Variants in TENM3 observed in about 807,000 individuals in gnomAD.
TENM3 encodes the protein teneurin transmembrane protein 3.
A neutral mutation model predicts 255.1 loss-of-function variants in TENM3; 63 were observed. The ratio of observed to expected loss-of-function variants is 0.25; its 90% CI spans 0.20 to 0.30. The LOEUF is 0.30. Among genes scored for constraint, TENM3 ranks in the 10% least tolerant of loss-of-function variants. The probability of loss-of-function intolerance (pLI) is 1.00; values close to 1 mark genes in which losing one functional copy is unlikely to be tolerated. For missense variants in TENM3, 2,929 were observed against 3,461.1 expected (o/e 0.85, Z 3.86); for synonymous variants, 1,306 against 1,322.3 (o/e 0.99, Z 0.27).
chr4:181,747,750 A>G, the TENM3 span, among the ~76,000 whole-genome samples: 2 of 152,012 alleles, frequency 1.3e-5, no homozygotes, highest in African/African-American at 4.8e-5. Context: ...AACTTTATAA[A>G]TGAATTTATG....
chr4:181,838,333 G>A, the TENM3 span, among the ~76,000 whole-genome samples: 5,105 of 152,168 alleles, frequency 0.034, 297 homozygotes, highest in African/African-American at 0.12. Flanking sequence ...CTGGTAATAC[G>A]CTTTTTTGCC....
At chr4:182,470,817 T>C (rs930647581) in intron 3 of TENM3, among the ~76,000 whole-genome samples, 3 of 152,088 alleles carry the variant, frequency 2.0e-5, no homozygotes, top group African/African-American at 7.2e-5. Flanking sequence ...AAACCAAAAC[T>C]CTCCATGATT....
intron 3 of TENM3, among the ~76,000 whole-genome samples, chr4:182,363,277 A>G (rs9997919): frequency 0.039 from 5,996 of 152,080 alleles, 376 homozygotes; most frequent in African/African-American, 0.13. Flanking sequence ...TGAGTATGTG[A>G]TATTTATATA....
chr4:181,775,156 C>T, the TENM3 span, among the ~76,000 whole-genome samples: 2 of 152,154 alleles, frequency 1.3e-5, no homozygotes, highest in East Asian at 1.9e-4. Flanking sequence ...TCCCCCCATA[C>T]AGGGCCGTGA....
chr4:181,732,461 G>A, the TENM3 span, among the ~76,000 whole-genome samples: 6 of 152,020 alleles, frequency 3.9e-5, no homozygotes, highest in African/African-American at 1.4e-4. Flanking sequence ...AAAAAAGGTA[G>A]AATAAAAACG....
intron 22 of TENM3, among the ~76,000 whole-genome samples, chr4:182,763,409 C>T (rs908886945): frequency 5.3e-5 from 8 of 151,984 alleles, no homozygotes; most frequent in South Asian, 4.1e-4. Context: ...ACTAAAAATA[C>T]AAAAAATTAG....
chr4:182,060,152 G>A, the TENM3 span, among the ~76,000 whole-genome samples: 1,730 of 152,138 alleles, frequency 0.011, 29 homozygotes, highest in African/African-American at 0.038. Context: ...TGGAAGGATC[G>A]CTTAAGTCCA....
intron 1 of TENM3, among the ~76,000 whole-genome samples, chr4:182,220,961 T>C (rs1187661083): frequency 6.6e-6 from 1 of 152,228 alleles, no homozygotes; most frequent in African/African-American, 2.4e-5. Flanking sequence ...TATCTACATA[T>C]CTTTTAGCAG....
At chr4:181,819,654 G>A in the TENM3 span, among the ~76,000 whole-genome samples, 5 of 152,138 alleles carry the variant, frequency 3.3e-5, 1 homozygote, top group African/African-American at 4.8e-5. Context: ...TTGCACCTCC[G>A]ATCATCAGGC....
At chr4:182,330,602 ATC>A (rs1476809643) in intron 2 of TENM3, among the ~76,000 whole-genome samples, 1 of 152,266 alleles carries the variant, frequency 6.6e-6, no homozygotes, top group African/African-American at 2.4e-5. Flanking sequence ...AATAGCATTT[ATC>A]TCTCAGAGTA....
the TENM3 span, among the ~76,000 whole-genome samples, chr4:181,660,345 A>G: frequency 6.6e-6 from 1 of 152,092 alleles, no homozygotes; most frequent in African/African-American, 2.4e-5. Context: ...CGAAATGGTA[A>G]TTGCTCTATT....
At chr4:182,454,550 C>G (rs1230950654) in intron 3 of TENM3, among the ~76,000 whole-genome samples, 3 of 152,116 alleles carry the variant, frequency 2.0e-5, no homozygotes, top group African/African-American at 4.8e-5. Flanking sequence ...TTGCCAACCT[C>G]GATTTTAGCA....
chr4:182,359,354 T>C (rs1765795209), intron 3 of TENM3, among the ~76,000 whole-genome samples: 1 of 151,620 alleles, frequency 6.6e-6, no homozygotes, highest in Admixed American at 6.6e-5. Flanking sequence ...GGTCCTGGAC[T>C]CTTTTTGGTT....
chr4:182,743,552 T>C (rs1226891655), intron 19 of TENM3, 133 bp downstream of exon 19: 5 of 1,008,356 alleles, frequency 5.0e-6, no homozygotes, highest in Non-Finnish European at 7.2e-6. Context: ...CAGAAAGAAG[T>C]CAAATTCTTG....
At chr4:182,215,777 A>G (rs969651992) in intron 1 of TENM3, among the ~76,000 whole-genome samples, 21 of 152,176 alleles carry the variant, frequency 1.4e-4, no homozygotes, top group Admixed American at 5.9e-4. Context: ...ACTGCACAGG[A>G]CATTATTTCA....
In TENM3 at chr4:182,638,535, G is replaced by A. The variant is rs17325577; in HGVS notation, c.988+9646G>A. Among the ~76,000 whole-genome samples the A allele has an allele frequency of 9.8e-3, 1,489 of 152,230 alleles. 19 individuals are homozygous for A. Among genetic ancestry groups the A allele is most frequent in the Non-Finnish European group, 0.012 (836 of 68,014 alleles). ...CATTGTACAGTCTATACAGTGACTCGAAGAACAAGTATGTTTTTTTAGCTA... is the reference window on the plus strand; with the variant it reads ...CATTGTACAGTCTATACAGTGACTCAAAGAACAAGTATGTTTTTTTAGCTA... On this transcript the variant is annotated intron_variant, in intron 5 of 27. Coordinates refer to ENST00000511685, the MANE Select transcript of TENM3 (RefSeq NM_001080477.4).
chr4:182,109,278 C>T, the TENM3 span, among the ~76,000 whole-genome samples: 1 of 148,272 alleles, frequency 6.7e-6, no homozygotes, highest in Non-Finnish European at 1.5e-5. Flanking sequence ...AATTATGTCA[C>T]ATATAGTATA....
At chr4:182,160,932 T>A (rs1751105537) in intron 1 of TENM3, among the ~76,000 whole-genome samples, 1 of 152,176 alleles carries the variant, frequency 6.6e-6, no homozygotes, top group African/African-American at 2.4e-5. Flanking sequence ...AATTACATTG[T>A]ACCCCATAGA....
chr4:182,733,602 T>G (rs751907628), intron 16 of TENM3, among the ~76,000 whole-genome samples: 2 of 152,126 alleles, frequency 1.3e-5, no homozygotes, highest in Non-Finnish European at 2.9e-5. Context: ...CATATAAATA[T>G]AAAGCATAAA....
Sources: gnomAD v4.1 joint callset for allele counts (sites outside exome capture counted in the v4.1 genomes callset) on GRCh38, gnomAD v4.1.1 for gene constraint, MANE v1.5 for transcripts, NCBI Gene and HGNC (gene_info 2026-07-23, HGNC 2026-07-21) for gene names.